Variants in JAKMIP1 observed in about 807,000 individuals in gnomAD.
JAKMIP1 encodes the protein janus kinase and microtubule interacting protein 1.
Under a neutral mutation model 113.0 loss-of-function variants are expected in JAKMIP1, and 33 were observed. The observed-to-expected ratio is 0.29, with a 90% confidence interval of 0.22 to 0.39. JAKMIP1 has a LOEUF of 0.39. Ranked by LOEUF, JAKMIP1 falls within the 10% of genes least tolerant of loss-of-function variation. JAKMIP1 has a pLI of 1.00. For missense variants in JAKMIP1, 813 were observed against 1,080.5 expected (o/e 0.75, Z 3.47); for synonymous variants, 480 against 459.9 (o/e 1.04, Z -0.56).
At chr4:6,160,962 T>C (rs1327034113) in intron 1 of JAKMIP1, among the ~76,000 whole-genome samples, 1 of 135,462 alleles carries the variant, frequency 7.4e-6, no homozygotes, top group Non-Finnish European at 1.6e-5. Context: ...TGACCTCCAC[T>C]CACCTCCCTG....
intron 13 of JAKMIP1, among the ~76,000 whole-genome samples, chr4:6,052,603 A>C (rs114871592): frequency 7.2e-6 from 1 of 139,600 alleles, no homozygotes; most frequent in Non-Finnish European, 1.5e-5. Flanking sequence ...CCAAGAGTGC[A>C]CCACGCCACT....
intron 1 of JAKMIP1, among the ~76,000 whole-genome samples, chr4:6,165,045 T>C (rs1054197023): frequency 6.6e-6 from 1 of 152,214 alleles, no homozygotes; most frequent in African/African-American, 2.4e-5. Context: ...AGTTCTACTG[T>C]GGGCAAAATG....
rs745313697 is a variant in JAKMIP1, at chr4:6,167,785, C to G, written c.-148+32468G>C. On this transcript the variant is annotated intron_variant, in intron 1 of 20. Coordinates refer to ENST00000409021, the MANE Select transcript of JAKMIP1 (RefSeq NM_001099433.2). This position sits in a 1 kb window ranked among gnomAD's most constrained non-coding sequence, Gnocchi z 5.3. ...GGCTTTTCCACGGCTCTATGGCTGT[C>G]TTAAATTTCACTTGTGAGCATCTCA... 9.2e-5 allele frequency among the ~76,000 whole-genome samples: 14 copies of G among 152,310 alleles called. No homozygotes were observed. Among genetic ancestry groups the G allele is most frequent in the Non-Finnish European group, 1.8e-4 (12 of 68,026 alleles).
At chr4:6,035,367 C>T (rs1338582050) in intron 19 of JAKMIP1, among the ~76,000 whole-genome samples, 1 of 152,214 alleles carries the variant, frequency 6.6e-6, no homozygotes, top group East Asian at 1.9e-4. Flanking sequence ...GAGCGCCCGA[C>T]AAATGCTCTG....
Position 6,093,662 on chromosome 4 carries a change from A to C in JAKMIP1, c.625-8033T>G, listed in dbSNP as rs1397345929. The stretch of plus-strand genomic sequence containing the variant: ...CTTGAAGTTCAGGGTCCTGAACCAG[A>C]CACCTCCTGTATTACAATGAATGAT... On this transcript the variant is annotated intron_variant, in intron 3 of 20. Transcript: ENST00000409021. This position sits in a 1 kb window ranked among gnomAD's most constrained non-coding sequence, Gnocchi z 4.6. Among the ~76,000 whole-genome samples, 1 of 152,198 alleles carries C rather than the reference A, an allele frequency of 6.6e-6. No homozygotes were observed. Among genetic ancestry groups the C allele is most frequent in the African/African-American group, 2.4e-5 (1 of 41,458 alleles).
At position 6,080,129 on chromosome 4, in the gene JAKMIP1, C is replaced by T; in HGVS notation, c.1242+43G>A. On this transcript the variant is annotated intron_variant, in intron 7 of 20. Transcript: ENST00000409021. This position sits in a 1 kb window ranked among gnomAD's most constrained non-coding sequence, Gnocchi z 6.0. ...TTCCTGACACCCATGTCAGCTGGTG[C>T]CACCCCTGCCAGGGGCAGCCGCGCC... 1 of 1,538,110 alleles carries T rather than the reference C, an allele frequency of 6.5e-7. No homozygotes were observed. The highest frequency in any genetic ancestry group is 8.8e-7 in the Non-Finnish European group (1 of 1,139,882).
Position 6,053,862 on chromosome 4 carries a change from C to T in JAKMIP1, c.1806+188G>A, listed in dbSNP as rs561584471. ...TTGGGTGAGCACGCTCTCCAGAACA[C>T]ATTAAGGCAGTGAAATTATTCTGAA... On this transcript the variant is annotated intron_variant, in intron 13 of 20. Coordinates refer to ENST00000409021, the MANE Select transcript of JAKMIP1 (RefSeq NM_001099433.2). 467 of 1,491,124 alleles carry T rather than the reference C, an allele frequency of 3.1e-4. 5 individuals are homozygous for T. In the Middle Eastern group the frequency reaches 4.1e-3, roughly 13 times the overall value. The allele number at this position is 1,491,124 out of a possible 1,614,324, so 92.4% of individuals were successfully genotyped here.
In JAKMIP1 at chr4:6,031,789, G is replaced by GTTAT. The variant is rs1712705087; in HGVS notation, c.2380-2012_2380-2009dup. Among the ~76,000 whole-genome samples, 1 of 152,238 alleles carries GTTAT rather than the reference G, an allele frequency of 6.6e-6. No homozygotes were observed. Among genetic ancestry groups the GTTAT allele is most frequent in the South Asian group, 2.1e-4 (1 of 4,834 alleles). On this transcript the variant is annotated intron_variant, in intron 19 of 20. Coordinates refer to ENST00000409021, the MANE Select transcript of JAKMIP1 (RefSeq NM_001099433.2). This position sits in a 1 kb window ranked among gnomAD's most constrained non-coding sequence, Gnocchi z 4.4. ...TCTCTCAGATCTGTGACCTTGGGCA[G>GTTAT]TTATTCTGCCTCCCTGAGGCTTGGT...
At chr4:6,190,401 T>C (rs1359578907) in intron 1 of JAKMIP1, among the ~76,000 whole-genome samples, 2 of 152,030 alleles carry the variant, frequency 1.3e-5, no homozygotes, top group Non-Finnish European at 2.9e-5. Flanking sequence ...AAAGTCCCCA[T>C]ATTGCACTTT....
At chr4:6,131,377 A>AAAC (rs1553848254) in intron 1 of JAKMIP1, among the ~76,000 whole-genome samples, 17 of 151,730 alleles carry the variant, frequency 1.1e-4, no homozygotes, top group African/African-American at 4.1e-4. Context: ...AAAAAAAAAA[A>AAAC]AAAACAAAAC....
Position 6,097,950 on chromosome 4 carries a change from A to G in JAKMIP1, c.624+7523T>C, listed in dbSNP as rs1319383640. ...GAATAATTAAAATGCAATGCCCTTTATGGCTCACTTACATTGTGGGACAGA... is the reference window on the plus strand; with the variant it reads ...GAATAATTAAAATGCAATGCCCTTTGTGGCTCACTTACATTGTGGGACAGA... On this transcript the variant is annotated intron_variant, in intron 3 of 20. Transcript: ENST00000409021. This position sits in a 1 kb window ranked among gnomAD's most constrained non-coding sequence, Gnocchi z 4.3. 2.0e-5 allele frequency among the ~76,000 whole-genome samples: 3 copies of G among 152,222 alleles called. No individual in the cohort carries two copies. The highest frequency in any genetic ancestry group is 4.4e-5 in the Non-Finnish European group (3 of 68,032).
At chr4:6,151,588 T>C (rs1452616778) in intron 1 of JAKMIP1, among the ~76,000 whole-genome samples, 2 of 152,172 alleles carry the variant, frequency 1.3e-5, no homozygotes, top group Non-Finnish European at 2.9e-5. Context: ...CCCCACCTAG[T>C]TGCACTCACA....
At chr4:6,079,804 C>G (rs184494646) in intron 7 of JAKMIP1, among the ~76,000 whole-genome samples, 6 of 152,152 alleles carry the variant, frequency 3.9e-5, no homozygotes, top group Admixed American at 3.3e-4. Context: ...TAAAAACCAA[C>G]CAACCAACCA....
intron 2 of JAKMIP1, among the ~76,000 whole-genome samples, chr4:6,107,751 TGG>T (rs139387216): frequency 0.038 from 5,721 of 150,814 alleles, 278 homozygotes; most frequent in African/African-American, 0.11. Flanking sequence ...TCTCACTCTG[TGG>T]GGGGTGTGTG....
intron 3 of JAKMIP1, among the ~76,000 whole-genome samples, chr4:6,091,057 C>T (rs531468077): frequency 1.3e-5 from 2 of 152,322 alleles, no homozygotes; most frequent in South Asian, 4.1e-4. Flanking sequence ...TAATCCAAGC[C>T]AGCTGACAAA....
In JAKMIP1 at chr4:6,112,710, G is replaced by A. The variant is rs750331953; in HGVS notation, c.129+12C>T. On this transcript the variant is annotated intron_variant, in intron 2 of 20. Coordinates refer to ENST00000409021, the MANE Select transcript of JAKMIP1 (RefSeq NM_001099433.2). Reference sequence around the variant, plus strand: ...GCAGCCCAGCCGCTGCTGAGCTGACGCCAACCCCCACCTTGCTTTTTTCCT... The same window carrying A: ...GCAGCCCAGCCGCTGCTGAGCTGACACCAACCCCCACCTTGCTTTTTTCCT... 12 of 1,612,528 alleles carry A rather than the reference G, an allele frequency of 7.4e-6. No homozygotes were observed. The highest frequency in any genetic ancestry group is 8.5e-6 in the Non-Finnish European group (10 of 1,179,588).
At chr4:6,128,451 C>G (rs963041811) in intron 1 of JAKMIP1, among the ~76,000 whole-genome samples, 1 of 151,860 alleles carries the variant, frequency 6.6e-6, no homozygotes, top group Admixed American at 6.6e-5. Flanking sequence ...GGACCAGGAG[C>G]GGGGAGGGAG....
At position 6,067,656 on chromosome 4, in the gene JAKMIP1, C is replaced by T. The variant is rs1415079248; in HGVS notation, c.1303-2648G>A. Among the ~76,000 whole-genome samples, 3 of 131,282 alleles carry T rather than the reference C, an allele frequency of 2.3e-5. No homozygotes were observed. The highest frequency in any genetic ancestry group is 8.5e-5 in the African/African-American group (3 of 35,422). 86.1% of individuals were successfully genotyped at this position (131,282 alleles called of 152,430 possible). A position where few individuals can be genotyped will look rare whatever the true frequency, so the allele number is the denominator to read the frequency against. ...TCAAGCTCTTCTGCACACACACACA[C>T]AGGTCACCCCCTGAGCTCCAGGTTC... On this transcript the variant is annotated intron_variant, in intron 8 of 20. Coordinates refer to ENST00000409021, the MANE Select transcript of JAKMIP1 (RefSeq NM_001099433.2). The surrounding 1 kb of genome is among the most constrained non-coding windows in gnomAD (Gnocchi z 4.6).
intron 3 of JAKMIP1, among the ~76,000 whole-genome samples, 196 bp downstream of exon 3, chr4:6,105,277 G>C (rs1313765782): frequency 6.6e-6 from 1 of 152,168 alleles, no homozygotes; most frequent in East Asian, 1.9e-4. Context: ...TTGACAAATG[G>C]GGAACTGTTC....
Sources: allele counts gnomAD v4.1 joint callset (sites outside exome capture counted in the v4.1 genomes callset), GRCh38; gene constraint gnomAD v4.1.1; non-coding constraint Gnocchi (gnomAD v3.1); transcripts MANE v1.5; gene names NCBI Gene and HGNC (gene_info 2026-07-23, HGNC 2026-07-21).